WLS: variants seen among roughly 807,000 people sequenced by gnomAD.
WLS encodes protein wntless homolog.
Under a neutral mutation model 62.8 loss-of-function variants are expected in WLS, and 23 were observed. The observed-to-expected ratio is 0.37, with a 90% CI of 0.26 to 0.52. WLS has a LOEUF of 0.52. Among genes scored for constraint, WLS ranks in the 20% least tolerant of loss-of-function variants. The pLI is 0.92. For missense variants in WLS, 615 were observed against 697.3 expected (o/e 0.88, Z 1.33); for synonymous variants, 246 against 244.1 (o/e 1.01, Z -0.07).
At chr1:68,120,382 G>C (rs1646348680), downstream of WLS, among the ~76,000 whole-genome samples, 1 of 152,190 alleles carries the variant, frequency 6.6e-6, no homozygotes, top group Non-Finnish European at 1.5e-5. Context: ...TGGAGGTGAA[G>C]AGCTTGTTTT....
At position 68,148,053 on chromosome 1, in the gene WLS, A is replaced by G; in HGVS notation, c.1134+83T>C. 3 of 1,445,782 alleles carry G rather than the reference A, an allele frequency of 2.1e-6. No homozygotes were observed. In the South Asian group the frequency reaches 3.5e-5, roughly 17 times the overall value. 89.6% of individuals were successfully genotyped at this position (1,445,782 alleles called of 1,614,324 possible). On this transcript the variant is annotated intron_variant, in intron 8 of 11. Transcript: ENST00000262348. ...CCCTGGCTGAGTACATATGGGGAGC[A>G]TCAGCAGAGCCTTAGAAAATGATCT...
intron 2 of WLS, among the ~76,000 whole-genome samples, chr1:68,187,008 G>A (rs760792290): frequency 7.3e-5 from 11 of 151,634 alleles, no homozygotes; most frequent in African/African-American, 1.9e-4. Flanking sequence ...TCAGGAGATC[G>A]AGACCATCCT....
At chr1:68,194,690 AG>A (rs1196153705) in intron 1 of WLS, among the ~76,000 whole-genome samples, 5 of 152,230 alleles carry the variant, frequency 3.3e-5, no homozygotes, top group Non-Finnish European at 7.3e-5. Flanking sequence ...TAATAGCTTC[AG>A]GACCCTCATC....
chr1:68,103,477 G>C (rs1646104604), intron 11 of WLS, among the ~76,000 whole-genome samples: 1 of 152,232 alleles, frequency 6.6e-6, no homozygotes, highest in African/African-American at 2.4e-5. Context: ...AGGAAAGCTA[G>C]AAAGACAAAA....
At position 68,205,630 on chromosome 1, in the gene WLS, T is replaced by A. The variant is rs55958755; in HGVS notation, c.107-11403A>T. ...CATCTCAGCCTTTAGTGTATATAAC[T>A]AATGTTTGAAGATTTTATGACAAAA... is the stretch of plus-strand genomic sequence containing the variant. On this transcript the variant is annotated intron_variant, in intron 1 of 11. Coordinates refer to ENST00000262348, the MANE Select transcript of WLS (RefSeq NM_024911.7). Among the ~76,000 whole-genome samples the A allele has an allele frequency of 7.8e-3, 1,183 of 152,354 alleles. 19 individuals are homozygous for A. The highest frequency in any genetic ancestry group is 0.027 in the African/African-American group (1,127 of 41,582).
chr1:68,131,295 T>C (rs1434861441), intron 11 of WLS, among the ~76,000 whole-genome samples: 1 of 151,978 alleles, frequency 6.6e-6, no homozygotes, highest in Non-Finnish European at 1.5e-5. Flanking sequence ...AAGATTTGCC[T>C]GGTGCAGGCA....
rs1283150033 is a variant in WLS, at chr1:68,148,556, T to C, written c.1070+7A>G. On this transcript the variant is annotated splice_region_variant and intron_variant, in intron 7 of 11. Coordinates refer to ENST00000262348, the MANE Select transcript of WLS (RefSeq NM_024911.7). ...TTTGGCTCAGTGTCCCACAAACACT[T>C]GCTCACCTCTCACACATGTCAAATA... The C allele has an allele frequency of 1.2e-6, 2 of 1,613,716 alleles. No homozygotes were observed. Among genetic ancestry groups the C allele is most frequent in the Non-Finnish European group, 8.5e-7 (1 of 1,179,850 alleles).
chr1:68,129,827 A>T (rs1275175689), intron 11 of WLS, among the ~76,000 whole-genome samples: 1 of 152,004 alleles, frequency 6.6e-6, no homozygotes, highest in Non-Finnish European at 1.5e-5. Flanking sequence ...ACAAGAAAAA[A>T]CCCTTCTGAA....
At chr1:68,170,906 T>C (rs914598364) in intron 2 of WLS, among the ~76,000 whole-genome samples, 7 of 152,260 alleles carry the variant, frequency 4.6e-5, no homozygotes, top group African/African-American at 1.7e-4. Flanking sequence ...GCACAATAGA[T>C]ATTCATTGAA....
intron 2 of WLS, among the ~76,000 whole-genome samples, chr1:68,175,750 A>G (rs1169758945): frequency 1.3e-5 from 2 of 152,244 alleles, no homozygotes; most frequent in Admixed American, 1.3e-4. Flanking sequence ...CAATTAACAA[A>G]TACAAAAATA....
chr1:68,192,492 G>A (rs908303277), intron 2 of WLS, among the ~76,000 whole-genome samples: 1 of 151,696 alleles, frequency 6.6e-6, no homozygotes, highest in Non-Finnish European at 1.5e-5. Context: ...TGGGAAGATC[G>A]CTTGAGCCTG....
chr1:68,227,159 C>G (rs1474228050), intron 1 of WLS, among the ~76,000 whole-genome samples: 1 of 152,014 alleles, frequency 6.6e-6, no homozygotes, highest in Non-Finnish European at 1.5e-5. Context: ...TTTGGGAGGC[C>G]GAGGCAGGTG....
chr1:68,154,050 G>A (rs532103599), intron 4 of WLS, among the ~76,000 whole-genome samples: 2 of 152,172 alleles, frequency 1.3e-5, no homozygotes, highest in East Asian at 3.9e-4. Flanking sequence ...CACTTTAGAG[G>A]TACGGATTAA....
At chr1:68,153,471 A>G in intron 5 of WLS, 46 bp downstream of exon 5, 1 of 1,611,216 alleles carries the variant, frequency 6.2e-7, no homozygotes, top group African/African-American at 1.3e-5. Flanking sequence ...TTGGCAGATC[A>G]TGAGAAGCCA....
At chr1:68,100,330 T>A (rs1295051611) in intron 11 of WLS, among the ~76,000 whole-genome samples, 3 of 152,156 alleles carry the variant, frequency 2.0e-5, no homozygotes, top group African/African-American at 7.2e-5. Flanking sequence ...AGCAGCCTAT[T>A]GTCTCTCCTT....
At position 68,213,700 on chromosome 1, in the gene WLS, A is replaced by T. The variant is rs186192275; in HGVS notation, c.106+18494T>A. ...AAACCCCCATGTATCAAAAAAAAAA[A>T]TTATCTGATCTAAAAAATGCCTAGA... is the stretch of plus-strand genomic sequence containing the variant. On this transcript the variant is annotated intron_variant, in intron 1 of 11. Transcript: ENST00000262348. Among the ~76,000 whole-genome samples the T allele has an allele frequency of 3.3e-3, 509 of 152,188 alleles. 7 individuals are homozygous for T. The highest frequency in any genetic ancestry group is 2.4e-3 in the Non-Finnish European group (160 of 68,016).
intron 5 of WLS, among the ~76,000 whole-genome samples, chr1:68,152,895 G>A (rs146215403): frequency 1.7e-3 from 254 of 152,288 alleles, no homozygotes; most frequent in African/African-American, 6.0e-3. Flanking sequence ...AGTGAGAGGA[G>A]CTGGGCTTAG....
intron 1 of WLS, among the ~76,000 whole-genome samples, chr1:68,223,318 T>C (rs1272126112): frequency 2.6e-5 from 4 of 152,206 alleles, no homozygotes; most frequent in Non-Finnish European, 2.9e-5. Context: ...CATAATGAAA[T>C]ACTTGGTTAT....
chr1:68,182,678 A>G lies in WLS; in HGVS notation c.379+11277T>C, dbSNP rs115253057. ...TGACAACTTCCGTACCATTTACCTAACACTACAAACCCTACTCCATTTAAG... is the reference window on the plus strand; with the variant it reads ...TGACAACTTCCGTACCATTTACCTAGCACTACAAACCCTACTCCATTTAAG... On this transcript the variant is annotated intron_variant, in intron 2 of 11. Transcript: ENST00000262348. Among the ~76,000 whole-genome samples the G allele has an allele frequency of 2.8e-3, 423 of 149,584 alleles. 2 individuals are homozygous for G. The highest frequency in any genetic ancestry group is 0.01 in the African/African-American group (401 of 38,994).
Sources: allele counts gnomAD v4.1 joint callset (sites outside exome capture counted in the v4.1 genomes callset), GRCh38; gene constraint gnomAD v4.1.1; transcripts MANE v1.5; gene names NCBI Gene and HGNC (gene_info 2026-07-23, HGNC 2026-07-21).